The following CCAR2 variants were observed in gnomAD, a reference collection of about 807,000 sequenced individuals.
The protein encoded by CCAR2 is cell cycle and apoptosis regulator 2.
Under a neutral mutation model 108.1 loss-of-function variants are expected in CCAR2, and 21 were observed. The ratio of observed to expected loss-of-function variants is 0.19; its 90% CI spans 0.14 to 0.28. The LOEUF is 0.28. CCAR2 is among the 10% of genes least tolerant of loss of function. The probability of loss-of-function intolerance (pLI) is 1.00; values close to 1 mark genes in which losing one functional copy is unlikely to be tolerated. For missense variants in CCAR2, 1,126 were observed against 1,177.0 expected, an observed-to-expected ratio of 0.96 and a Z score of 0.63; for synonymous variants, 577 against 472.8, an observed-to-expected ratio of 1.22 and a Z score of -2.86.
At position 22,614,917 on chromosome 8, in the gene CCAR2, A is replaced by G; in HGVS notation, c.1121A>G (p.Gln374Arg). 6.2e-7 allele frequency: 1 copy of G among 1,613,592 alleles called. No homozygotes were observed. The highest frequency in any genetic ancestry group is 8.5e-7 in the Non-Finnish European group (1 of 1,179,938). ...CCTTCCCTGGATGGCCTCGACCCCC[A>G]GGCTGACCCGCAGGTGCTGGTGCGT... ...WSPSLDGLDP[Q>R]ADPQVLVRTA... Residue 374 changes from glutamine (Q) to arginine (R), a missense_variant, in exon 11 of 21, where the codon CAG becomes CGG. Coordinates refer to ENST00000308511, the MANE Select transcript of CCAR2 (RefSeq NM_001393997.1).
chr8:22,608,703 A>C (rs1247587735), intron 7 of CCAR2, among the ~76,000 whole-genome samples: 3 of 152,130 alleles, frequency 2.0e-5, no homozygotes, highest in Non-Finnish European at 2.9e-5. Context: ...TTCCTTCCTC[A>C]GTCTCACTCT....
At chr8:22,614,027 TGA>T in intron 8 of CCAR2, 63 bp from the exon 9 acceptor site, 2 of 1,469,724 alleles carry the variant, frequency 1.4e-6, no homozygotes, top group Admixed American at 3.9e-5. Context: ...TTCAAATCTT[TGA>T]TGGTTTCATT....
In CCAR2 at chr8:22,619,986, T is replaced by TCTC; in HGVS notation, c.*307_*309dup. On this transcript the variant is annotated 3_prime_UTR_variant, in exon 21 of 21. Coordinates refer to ENST00000308511, the MANE Select transcript of CCAR2 (RefSeq NM_001393997.1). ...GGCCCTTTTAGTCTTGTGCTGACTT[T>TCTC]CTCCTGTCCTCTTCCAGTTTAGAAT... The TCTC allele has an allele frequency of 2.3e-6, 1 of 426,930 alleles. No individual in the cohort carries two copies. The highest frequency in any genetic ancestry group is 4.3e-6 in the Non-Finnish European group (1 of 231,944). 26.4% of individuals were successfully genotyped at this position (426,930 alleles called of 1,614,324 possible). A position where few individuals can be genotyped will look rare whatever the true frequency, so the allele number is the denominator to read the frequency against.
intron 6 of CCAR2, 46 bp downstream of exon 6, chr8:22,607,371 T>C (rs1563905629): frequency 6.3e-7 from 1 of 1,598,484 alleles, no homozygotes; most frequent in African/African-American, 1.3e-5. Context: ...TATGGGGTAG[T>C]TTAGATCAAT....
chr8:22,614,545 G>A (rs760546637), intron 10 of CCAR2, 42 bp downstream of exon 10: 4 of 1,531,922 alleles, frequency 2.6e-6, no homozygotes, highest in Non-Finnish European at 3.6e-6. Context: ...CACGGGTAAT[G>A]TGCACAACCT....
intron 16 of CCAR2, chr8:22,618,021 T>C: frequency 1.7e-6 from 1 of 594,152 alleles, no homozygotes; most frequent in Non-Finnish European, 3.0e-6. Flanking sequence ...CAGGAGCTTT[T>C]GCCAAAGTGG....
rs1554563600 is a variant in CCAR2 at position 22,620,005 on chromosome 8, T to TTTA, written c.*324_*325insTAT. ...TGACTTTCTCCTGTCCTCTTCCAGTTTAGAATAAGACAGGGGAGAAAAAGG... is the reference window on the plus strand; with the variant it reads ...TGACTTTCTCCTGTCCTCTTCCAGTTTTATAGAATAAGACAGGGGAGAAAAAGG... On this transcript the variant is annotated 3_prime_UTR_variant, in exon 21 of 21. Transcript: ENST00000308511. 1 of 377,692 alleles carries TTTA rather than the reference T, an allele frequency of 2.6e-6. No homozygotes were observed. Among genetic ancestry groups the TTTA allele is most frequent in the African/African-American group, 2.0e-5 (1 of 48,844 alleles). The allele number at this position is 377,692 out of a possible 1,614,324, so 23.4% of individuals were successfully genotyped here.
intron 8 of CCAR2, 71 bp from the exon 9 acceptor site, chr8:22,614,021 A>T: frequency 6.9e-7 from 1 of 1,446,722 alleles, no homozygotes; most frequent in South Asian, 1.2e-5. Flanking sequence ...CATTTTTTCA[A>T]ATCTTTGATG....
rs865802649 is a variant in CCAR2, at chr8:22,605,441, C to T, written c.-38-295C>T. The T allele has an allele frequency of 1.9e-5, 5 of 258,218 alleles. No individual in the cohort carries two copies. The East Asian group carries it at 2.6e-4, about 13-fold the overall frequency. The allele number at this position is 258,218 out of a possible 1,614,324, so 16.0% of individuals were successfully genotyped here. A position where few individuals can be genotyped will look rare whatever the true frequency, so the allele number is the denominator to read the frequency against. ...GGTGTGAGTAGCAGTTTTGTCACTA[C>T]CTGGTTATGTGGCCCCGGGCAAGTC... On this transcript the variant is annotated intron_variant, in intron 1 of 20. Coordinates refer to ENST00000308511, the MANE Select transcript of CCAR2 (RefSeq NM_001393997.1).
At position 22,615,737 on chromosome 8, in the gene CCAR2, C is replaced by T. The variant is rs529600420; in HGVS notation, c.1433C>T (p.Ser478Phe). The change falls in exon 13 of 21, where the codon TCT becomes TTT. Residue 478 changes from serine (S) to phenylalanine (F), a missense_variant. By Grantham distance (155) the Ser-to-Phe change is radical (BLOSUM62 -2). Coordinates refer to ENST00000308511, the MANE Select transcript of CCAR2 (RefSeq NM_001393997.1). Reference protein sequence around the residue: ...PDALEQAADTSRRNAETPEAT... With the variant: ...PDALEQAADTFRRNAETPEAT... Reference sequence around the variant, plus strand: ...GCCTTGGAGCAAGCAGCAGACACTTCTAGACGGAACGCAGAAACTCCAGAG... The same window carrying T: ...GCCTTGGAGCAAGCAGCAGACACTTTTAGACGGAACGCAGAAACTCCAGAG... 13 of 1,613,820 alleles carry T rather than the reference C, an allele frequency of 8.1e-6. 1 individual carries two copies. The South Asian group carries it at 9.9e-5, about 12-fold the overall frequency.
intron 7 of CCAR2, among the ~76,000 whole-genome samples, chr8:22,611,764 A>G (rs568439148): frequency 1.2e-4 from 18 of 152,188 alleles, no homozygotes; most frequent in African/African-American, 4.1e-4. Flanking sequence ...ATTGCTGAGT[A>G]TGTATTTGGT....
chr8:22,612,979 A>G (rs1420562729), intron 7 of CCAR2, 38 bp from the exon 8 acceptor site: 1 of 1,599,006 alleles, frequency 6.3e-7, no homozygotes, highest in Non-Finnish European at 8.5e-7. Flanking sequence ...ACATATAACA[A>G]TGTGGTTTCT....
Position 22,606,169 on chromosome 8 carries a change from A to G in CCAR2, c.143A>G (p.His48Arg). The G allele has an allele frequency of 6.2e-7, 1 of 1,613,554 alleles. No homozygotes were observed. Among genetic ancestry groups the G allele is most frequent in the Non-Finnish European group, 8.5e-7 (1 of 1,179,534 alleles). ...ACAGAACTGTCCCAGAATGCCAGGCACCTTCAGGTAGGTTCGGCATCCCTT... is the reference window on the plus strand; with the variant it reads ...ACAGAACTGTCCCAGAATGCCAGGCGCCTTCAGGTAGGTTCGGCATCCCTT... Reference protein sequence around the residue: ...VATELSQNARHLQGGEKQRVF... With the variant: ...VATELSQNARRLQGGEKQRVF... Residue 48 changes from histidine to arginine, a missense_variant, in exon 3 of 21, where the codon CAC becomes CGC. Physicochemically the swap from His to Arg is conservative, Grantham distance 29 (BLOSUM62 0). Coordinates refer to ENST00000308511, the MANE Select transcript of CCAR2 (RefSeq NM_001393997.1).
intron 18 of CCAR2, 28 bp downstream of exon 18, chr8:22,618,756 T>C: frequency 6.2e-7 from 1 of 1,613,462 alleles, no homozygotes; most frequent in East Asian, 2.2e-5. Flanking sequence ...GCAGCCTTCC[T>C]GGGGCACGGG....
chr8:22,617,283 A>C (rs570056976), intron 14 of CCAR2, 137 bp from the exon 15 acceptor site: 743 of 994,358 alleles, frequency 7.5e-4, no homozygotes, highest in Non-Finnish European at 9.6e-4. Context: ...AATTAAATAC[A>C]TGAAATGAGA....
intron 10 of CCAR2, 135 bp from the exon 11 acceptor site, chr8:22,614,703 C>T (rs1563918388): frequency 2.0e-6 from 2 of 1,006,072 alleles, no homozygotes; most frequent in Admixed American, 4.3e-5. Flanking sequence ...TTCATGTTTG[C>T]AGATAGAGAC....
At chr8:22,605,213 GGT>G in intron 1 of CCAR2, 1 of 184,038 alleles carries the variant, frequency 5.4e-6, no homozygotes, top group Non-Finnish European at 1.2e-5. Context: ...GGAAACAACG[GGT>G]CGGGCTTCCG....
chr8:22,606,757 GC>G, intron 4 of CCAR2, 59 bp downstream of exon 4: 3 of 1,488,378 alleles, frequency 2.0e-6, no homozygotes, highest in Non-Finnish European at 2.8e-6. Context: ...CTGTCACCAT[GC>G]TGGTATTGCC....
At chr8:22,608,846 G>T (rs534033346) in intron 7 of CCAR2, among the ~76,000 whole-genome samples, 2 of 152,316 alleles carry the variant, frequency 1.3e-5, no homozygotes, top group South Asian at 2.1e-4. Context: ...ACAGAAAGGT[G>T]TGAGGAACCT....
Sources: allele counts gnomAD v4.1 joint callset (sites outside exome capture counted in the v4.1 genomes callset), GRCh38; gene constraint gnomAD v4.1.1; transcripts MANE v1.5; gene names NCBI Gene and HGNC (gene_info 2026-07-23, HGNC 2026-07-21).